NCOA5: variants seen among roughly 807,000 people sequenced by gnomAD.
NCOA5 encodes NCoA-5.
Under a neutral mutation model 59.0 loss-of-function variants are expected in NCOA5, and 12 were observed. That is an observed-to-expected ratio of 0.20 (90% confidence interval 0.13 to 0.33). NCOA5 has a LOEUF of 0.33. NCOA5 is among the 10% of genes least tolerant of loss of function. The pLI is 1.00. For missense variants in NCOA5, 655 were observed against 766.6 expected (o/e 0.85, Z 1.72); for synonymous variants, 270 against 275.5 (o/e 0.98, Z 0.20).
At chr20:46,078,875 T>C (rs2084965417) in intron 2 of NCOA5, among the ~76,000 whole-genome samples, 1 of 152,184 alleles carries the variant, frequency 6.6e-6, no homozygotes, top group African/African-American at 2.4e-5. Context: ...GTTTTGCCCT[T>C]TTTATTTCCC....
Position 46,062,801 on chromosome 20 carries a change from C to T in NCOA5, c.1239G>A (p.Val413=). The part of the protein sequence containing the change: ...PSSQPLQSGQ[V]LPSATPTPSA... The stretch of plus-strand genomic sequence containing the variant: ...ATGGAGTGGGTGTAGCAGAGGGGAG[C>T]ACTTGGCCGCTCTGGAGCGGTTGGG... Residue 413 remains valine, a synonymous_variant, in exon 8 of 8, where the codon GTG becomes GTA. Coordinates refer to ENST00000290231, the MANE Select transcript of NCOA5 (RefSeq NM_020967.3). 2 of 1,574,550 alleles carry T rather than the reference C, an allele frequency of 1.3e-6. No homozygotes were observed. The highest frequency in any genetic ancestry group is 1.7e-6 in the Non-Finnish European group (2 of 1,158,666).
chr20:46,062,363 G>C lies in NCOA5; in HGVS notation c.1677C>G (p.Ser559Arg). 9 of 1,614,138 alleles carry C rather than the reference G, an allele frequency of 5.6e-6. No homozygotes were observed. Among genetic ancestry groups the C allele is most frequent in the Non-Finnish European group, 6.8e-6 (8 of 1,180,020 alleles). ...GCTGCCCCATCTGTGCTGTGGTCTG[G>C]CTAACCAGGTGGGAGAGAGCAGGGC... is the stretch of plus-strand genomic sequence containing the variant. ...QSGPALSHLV[S>R]QTTAQMGQPQ... The change falls in exon 8 of 8, where the codon AGC becomes AGG. Residue 559 changes from serine (S) to arginine (R), a missense_variant. This residue lies in a region of NCOA5 where 325 missense variants were observed against 353.2 expected (regional missense o/e 0.92). Transcript: ENST00000290231.
intron 5 of NCOA5, among the ~76,000 whole-genome samples, chr20:46,066,731 C>G (rs2084827885): frequency 6.6e-6 from 1 of 152,222 alleles, no homozygotes; most frequent in Non-Finnish European, 1.5e-5. Context: ...CCTCTTCAAG[C>G]ACAAAACCTG....
chr20:46,072,647 A>G (rs1289755363), intron 2 of NCOA5, among the ~76,000 whole-genome samples: 3 of 152,184 alleles, frequency 2.0e-5, no homozygotes, highest in Non-Finnish European at 4.4e-5. Context: ...TGCCTAGCCA[A>G]CGTCTTTCCT....
intron 1 of NCOA5, among the ~76,000 whole-genome samples, chr20:46,089,433 G>C (rs1293679585): frequency 6.6e-6 from 1 of 152,246 alleles, no homozygotes; most frequent in Non-Finnish European, 1.5e-5. Flanking sequence ...CCACTGACTC[G>C]CTGAGGACCC....
At chr20:46,088,874 A>G (rs936375829) in intron 1 of NCOA5, among the ~76,000 whole-genome samples, 2 of 152,256 alleles carry the variant, frequency 1.3e-5, no homozygotes, top group Non-Finnish European at 2.9e-5. Context: ...AGGAGGAACA[A>G]GGACGCACTG....
Position 46,062,253 on chromosome 20 carries a change from A to G in NCOA5, c.*47T>C. ...GCTCTATTTAGAACAAGTAAGTGGG[A>G]GGAGGCCAGGGGATGAGGGGACTGG... On this transcript the variant is annotated 3_prime_UTR_variant, in exon 8 of 8. Transcript: ENST00000290231. 1 of 1,456,858 alleles carries G rather than the reference A, an allele frequency of 6.9e-7. No homozygotes were observed. 90.2% of individuals were successfully genotyped at this position (1,456,858 alleles called of 1,614,324 possible).
At chr20:46,071,604 C>T (rs1002099698) in intron 2 of NCOA5, among the ~76,000 whole-genome samples, 3 of 152,172 alleles carry the variant, frequency 2.0e-5, no homozygotes, top group African/African-American at 7.2e-5. Context: ...TGTTAGAAAG[C>T]CTAATAAATC....
At position 46,079,395 on chromosome 20, in the gene NCOA5, G is replaced by C. The variant is rs1427979657; in HGVS notation, c.30C>G (p.Pro10=). 1.2e-6 allele frequency: 2 copies of C among 1,613,838 alleles called. No homozygotes were observed. The highest frequency in any genetic ancestry group is 1.7e-6 in the Non-Finnish European group (2 of 1,179,964). Reference sequence around the variant, plus strand: ...GCTTCAGGGTACTTTACCTTCGTGTGGGGCTGGGTCTTGATGGAGCCGTAT... The same window carrying C: ...GCTTCAGGGTACTTTACCTTCGTGTCGGGCTGGGTCTTGATGGAGCCGTAT... MNTAPSRPS[P]TRRDPYGFGD... The change falls in exon 2 of 8, where the codon CCC becomes CCG. Residue 10 remains proline, a synonymous_variant. Coordinates refer to ENST00000290231, the MANE Select transcript of NCOA5 (RefSeq NM_020967.3).
chr20:46,068,429 T>C (rs2084846799), intron 4 of NCOA5, 73 bp downstream of exon 4: 2 of 1,491,262 alleles, frequency 1.3e-6, no homozygotes, highest in Admixed American at 2.3e-5. Flanking sequence ...ATGGGGGTAC[T>C]GGTTATTAGT....
chr20:46,064,480 G>T (rs2084800439), intron 6 of NCOA5, among the ~76,000 whole-genome samples: 1 of 152,198 alleles, frequency 6.6e-6, no homozygotes, highest in South Asian at 2.1e-4. Context: ...ACAGGGTCAC[G>T]GCCTCTTAGC....
At position 46,070,407 on chromosome 20, in the gene NCOA5, G is replaced by T; in HGVS notation, c.168C>A (p.Asp56Glu). 6.2e-7 allele frequency: 1 copy of T among 1,613,996 alleles called. No homozygotes were observed. Among genetic ancestry groups the T allele is most frequent in the Admixed American group, 1.7e-5 (1 of 60,014 alleles). The stretch of plus-strand genomic sequence containing the variant: ...GTCTGTGGTCCCGCAAGTCTCGGGG[G>T]TCTCGAATGTCTCTGCTGTCCCGGG... ...RDARDSRDIR[D>E]PRDLRDHRHS... The change falls in exon 3 of 8, where the codon GAC becomes GAA. Residue 56 changes from aspartate to glutamate, a missense_variant. Coordinates refer to ENST00000290231, the MANE Select transcript of NCOA5 (RefSeq NM_020967.3).
In NCOA5 at chr20:46,061,300, A is replaced by G. The variant is rs1371440013; in HGVS notation, c.*1000T>C. Reference sequence around the variant, plus strand: ...AACCACAGCCAGAAACCCTCCTTCTAACAATTTCACTCTGGTACAAAAGTC... The same window carrying G: ...AACCACAGCCAGAAACCCTCCTTCTGACAATTTCACTCTGGTACAAAAGTC... On this transcript the variant is annotated 3_prime_UTR_variant, in exon 8 of 8. Coordinates refer to ENST00000290231, the MANE Select transcript of NCOA5 (RefSeq NM_020967.3). 2 of 152,678 alleles carry G rather than the reference A, an allele frequency of 1.3e-5. No homozygotes were observed. Among genetic ancestry groups the G allele is most frequent in the Non-Finnish European group, 2.9e-5 (2 of 68,096 alleles). 9.5% of individuals were successfully genotyped at this position (152,678 alleles called of 1,614,324 possible).
In NCOA5 at chr20:46,061,502, T is replaced by C. The variant is rs1254941902; in HGVS notation, c.*798A>G. 3 of 151,430 alleles carry C rather than the reference T, an allele frequency of 2.0e-5. No homozygotes were observed. The allele number at this position is 151,430 out of a possible 1,614,324, so 9.4% of individuals were successfully genotyped here. A position where few individuals can be genotyped will look rare whatever the true frequency, so the allele number is the denominator to read the frequency against. ...AAGAAACGGGTGTTCACGGCCAGAGTCTCAGAACCAACTTCATGGAAGTGC... is the reference window on the plus strand; with the variant it reads ...AAGAAACGGGTGTTCACGGCCAGAGCCTCAGAACCAACTTCATGGAAGTGC... On this transcript the variant is annotated 3_prime_UTR_variant, in exon 8 of 8. Coordinates refer to ENST00000290231, the MANE Select transcript of NCOA5 (RefSeq NM_020967.3).
chr20:46,083,429 C>T (rs1193046490), intron 1 of NCOA5, among the ~76,000 whole-genome samples: 2 of 152,218 alleles, frequency 1.3e-5, no homozygotes, highest in African/African-American at 2.4e-5. Flanking sequence ...TAAAGCCAAA[C>T]GCCTCTGCTC....
intron 3 of NCOA5, 120 bp downstream of exon 3, chr20:46,070,090 G>C (rs2084865459): frequency 4.0e-6 from 3 of 754,478 alleles, no homozygotes; most frequent in South Asian, 1.9e-5. Context: ...TCTATCACTT[G>C]ACAGTCACCA....
intron 2 of NCOA5, among the ~76,000 whole-genome samples, chr20:46,075,105 G>T (rs2084923290): frequency 1.3e-5 from 2 of 152,220 alleles, no homozygotes; most frequent in African/African-American, 4.8e-5. Flanking sequence ...TCATGCTACT[G>T]TTAGAAATGG....
chr20:46,078,420 A>T (rs2084960271), intron 2 of NCOA5, among the ~76,000 whole-genome samples: 1 of 152,226 alleles, frequency 6.6e-6, no homozygotes, highest in Non-Finnish European at 1.5e-5. Context: ...ACAGACGAGG[A>T]TTCACTGTAT....
Position 46,084,581 on chromosome 20 carries a change from C to G in NCOA5, c.-29-5128G>C, listed in dbSNP as rs2085027210. Among the ~76,000 whole-genome samples, 3 of 152,212 alleles carry G rather than the reference C, an allele frequency of 2.0e-5. No homozygotes were observed. In the South Asian group the frequency reaches 6.2e-4, roughly 31 times the overall value. Reference sequence around the variant, plus strand: ...AAAATTATCAACATTTAATTTCCTACCTTTCTTATTCTTTTAAGGAAAGGG... The same window carrying G: ...AAAATTATCAACATTTAATTTCCTAGCTTTCTTATTCTTTTAAGGAAAGGG... On this transcript the variant is annotated intron_variant, in intron 1 of 7. Coordinates refer to ENST00000290231, the MANE Select transcript of NCOA5 (RefSeq NM_020967.3).
Sources: allele counts gnomAD v4.1 joint callset (sites outside exome capture counted in the v4.1 genomes callset), GRCh38; gene constraint gnomAD v4.1.1; regional missense constraint gnomAD v4.1.1; transcripts MANE v1.5; gene names NCBI Gene and HGNC (gene_info 2026-07-23, HGNC 2026-07-21).